Variants in KLHL26 observed in about 807,000 individuals in gnomAD.
KLHL26 encodes the protein kelch like family member 26, also known as kelch-like protein 26.
KLHL26 carries 4 observed loss-of-function variants against 7.1 expected under a neutral mutation model. The ratio of observed to expected loss-of-function variants is 0.56; its 90% CI spans 0.28 to 1.28. The LOEUF is 1.28. KLHL26 is among the 50% of genes most tolerant of loss of function. KLHL26 has a pLI of 0.11. For synonymous variants in KLHL26, 465 were observed against 414.1 expected (o/e 1.12, Z -1.49); for missense variants, 896 against 924.6 (o/e 0.97, Z 0.40).
intron 1 of KLHL26, among the ~76,000 whole-genome samples, chr19:18,639,177 G>A (rs1196482091): frequency 6.6e-6 from 1 of 151,876 alleles, no homozygotes; most frequent in Non-Finnish European, 1.5e-5. Context: ...CCAGGTTCAA[G>A]GGATTTTCCT....
At chr19:18,659,200 T>A (rs2052366906) in intron 1 of KLHL26, among the ~76,000 whole-genome samples, 1 of 152,196 alleles carries the variant, frequency 6.6e-6, no homozygotes. Flanking sequence ...GAGTCTCTGT[T>A]TCCCTCTCTT....
At chr19:18,665,917 A>G (rs891524026) in intron 2 of KLHL26, among the ~76,000 whole-genome samples, 13 of 152,294 alleles carry the variant, frequency 8.5e-5, no homozygotes, top group African/African-American at 2.9e-4. Flanking sequence ...CATGGGCTCA[A>G]TGAGGCTGTT....
At chr19:18,664,219 G>A in intron 1 of KLHL26, 42 bp from the exon 2 acceptor site, 1 of 1,539,878 alleles carries the variant, frequency 6.5e-7, no homozygotes, top group Admixed American at 1.9e-5. Context: ...TAGTGTGTGT[G>A]TGAACCTCTG....
Position 18,668,824 on chromosome 19 carries a change from A to G in KLHL26, c.1427A>G (p.Lys476Arg), listed in dbSNP as rs2052490217. The change falls in exon 3 of 3, where the codon AAG becomes AGG. Residue 476 changes from lysine to arginine, a missense_variant. Physicochemically the swap from Lys to Arg is conservative, Grantham distance 26. Transcript: ENST00000300976. Reference sequence around the variant, plus strand: ...TACGGGATCTCAGTGGAGGACAAGAAGGCCCTGCACTGCTACGACCCCGTG... The same window carrying G: ...TACGGGATCTCAGTGGAGGACAAGAGGGCCCTGCACTGCTACGACCCCGTG... ...GGYGISVEDK[K>R]ALHCYDPVAD... 6.3e-7 allele frequency: 1 copy of G among 1,595,158 alleles called. No individual in the cohort carries two copies. Among genetic ancestry groups the G allele is most frequent in the Admixed American group, 1.7e-5 (1 of 59,486 alleles).
In KLHL26 at chr19:18,640,551, ATTTTTTTT is replaced by A. The variant is rs56247740; in HGVS notation, c.83+3432_83+3439del. On this transcript the variant is annotated intron_variant, in intron 1 of 2. Coordinates refer to ENST00000300976, the MANE Select transcript of KLHL26 (RefSeq NM_018316.3). ...AGCCACTACGCCTGGCTATGTTTTA[ATTTTTTTT>A]TTTTTTTTTTTTTTTTTGAGATGGA... 3.5e-3 allele frequency among the ~76,000 whole-genome samples: 339 copies of A among 96,638 alleles called. 2 individuals are homozygous for A. The highest frequency in any genetic ancestry group is 0.013 in the African/African-American group (296 of 22,680). The allele number at this position is 96,638 out of a possible 152,430, so 63.4% of individuals were successfully genotyped here.
Position 18,650,037 on chromosome 19 carries a change from C to T in KLHL26, c.83+12900C>T, listed in dbSNP as rs904900090. ...CCTTTCCTGCGAGGGCAAGGGCTTC[C>T]GGAATTGAACAGGCTGGGCCTGGAG... On this transcript the variant is annotated intron_variant, in intron 1 of 2. Transcript: ENST00000300976. The surrounding 1 kb of genome is among the most constrained non-coding windows in gnomAD (Gnocchi z 4.2). Among the ~76,000 whole-genome samples, 2 of 152,214 alleles carry T rather than the reference C, an allele frequency of 1.3e-5. No homozygotes were observed. The highest frequency in any genetic ancestry group is 2.9e-5 in the Non-Finnish European group (2 of 68,036).
chr19:18,655,998 C>G (rs532220442), intron 1 of KLHL26, among the ~76,000 whole-genome samples: 1 of 152,150 alleles, frequency 6.6e-6, no homozygotes, highest in East Asian at 1.9e-4. Flanking sequence ...GGTGGCCACA[C>G]GTATCCATCA....
intron 2 of KLHL26, chr19:18,667,345 T>G: frequency 2.7e-6 from 1 of 367,816 alleles, no homozygotes; most frequent in Non-Finnish European, 5.2e-6. Flanking sequence ...TTTGCATGTT[T>G]TTGTTTGTTT....
intron 1 of KLHL26, among the ~76,000 whole-genome samples, chr19:18,642,668 G>A (rs898937894): frequency 3.3e-5 from 5 of 151,080 alleles, no homozygotes; most frequent in Admixed American, 2.6e-4. Flanking sequence ...CCGGCTTGTG[G>A]TTTTTTGTTT....
At chr19:18,664,076 C>A (rs1467535843) in intron 1 of KLHL26, among the ~76,000 whole-genome samples, 185 bp from the exon 2 acceptor site, 6 of 152,090 alleles carry the variant, frequency 3.9e-5, no homozygotes, top group Non-Finnish European at 8.8e-5. Flanking sequence ...TCCCCTCCCC[C>A]AGCCCTTGGT....
At chr19:18,645,223 C>T (rs994023722) in intron 1 of KLHL26, among the ~76,000 whole-genome samples, 3 of 152,174 alleles carry the variant, frequency 2.0e-5, no homozygotes, top group African/African-American at 7.2e-5. Context: ...GTCTAGACTC[C>T]TTGGAGGGAA....
chr19:18,648,846 C>T lies in KLHL26; in HGVS notation c.83+11709C>T, dbSNP rs1343243559. Among the ~76,000 whole-genome samples the T allele has an allele frequency of 1.3e-5, 2 of 152,164 alleles. No homozygotes were observed. Among genetic ancestry groups the T allele is most frequent in the African/African-American group, 2.4e-5 (1 of 41,440 alleles). ...GAGCCAGCTCCTCCTGCTCTCTCCT[C>T]CCCATCCCAGCTCAGAGCCACTCCT... On this transcript the variant is annotated intron_variant, in intron 1 of 2. Transcript: ENST00000300976. The surrounding 1 kb of genome is among the most constrained non-coding windows in gnomAD (Gnocchi z 4.9).
chr19:18,648,277 C>T lies in KLHL26; in HGVS notation c.83+11140C>T, dbSNP rs997377944. Among the ~76,000 whole-genome samples the T allele has an allele frequency of 1.5e-4, 23 of 152,098 alleles. No homozygotes were observed. Among genetic ancestry groups the T allele is most frequent in the African/African-American group, 5.1e-4 (21 of 41,416 alleles). On this transcript the variant is annotated intron_variant, in intron 1 of 2. Coordinates refer to ENST00000300976, the MANE Select transcript of KLHL26 (RefSeq NM_018316.3). This position sits in a 1 kb window ranked among gnomAD's most constrained non-coding sequence, Gnocchi z 4.9. ...CCCAGCTGCTCTGGAGGCTGAGGCA[C>T]GAGAGTCGATTGAACCCAGGAGCCG...
At position 18,650,789 on chromosome 19, in the gene KLHL26, G is replaced by A. The variant is rs971294138; in HGVS notation, c.84-13472G>A. Reference sequence around the variant, plus strand: ...GCTGACCTTTTCTGGGAGTCGTGGCGGACGGAGTGGAGCCGTCTGTCTCGT... The same window carrying A: ...GCTGACCTTTTCTGGGAGTCGTGGCAGACGGAGTGGAGCCGTCTGTCTCGT... On this transcript the variant is annotated intron_variant, in intron 1 of 2. Transcript: ENST00000300976. This position sits in a 1 kb window ranked among gnomAD's most constrained non-coding sequence, Gnocchi z 4.2. Among the ~76,000 whole-genome samples, 3 of 152,328 alleles carry A rather than the reference G, an allele frequency of 2.0e-5. No homozygotes were observed. Among genetic ancestry groups the A allele is most frequent in the East Asian group, 1.9e-4 (1 of 5,178 alleles).
At chr19:18,661,538 C>T (rs2052391702) in intron 1 of KLHL26, among the ~76,000 whole-genome samples, 2 of 152,152 alleles carry the variant, frequency 1.3e-5, no homozygotes, top group African/African-American at 2.4e-5. Context: ...GCAGCCTTGA[C>T]GTCATCCCCT....
In KLHL26 at chr19:18,659,412, C is replaced by T. The variant is rs367938549; in HGVS notation, c.84-4849C>T. On this transcript the variant is annotated intron_variant, in intron 1 of 2. Coordinates refer to ENST00000300976, the MANE Select transcript of KLHL26 (RefSeq NM_018316.3). ...ATCAGCCGGGGTGGGAGCCAACCAG[C>T]TGTGCTGTGCTGCTGTGCTCCTTCG... 2.8e-4 allele frequency among the ~76,000 whole-genome samples: 43 copies of T among 152,354 alleles called. 1 individual carries two copies. Among genetic ancestry groups the T allele is most frequent in the African/African-American group, 9.9e-4 (41 of 41,584 alleles).
rs919983283 is a variant in KLHL26, at chr19:18,649,448, G to A, written c.83+12311G>A. On this transcript the variant is annotated intron_variant, in intron 1 of 2. Coordinates refer to ENST00000300976, the MANE Select transcript of KLHL26 (RefSeq NM_018316.3). The surrounding 1 kb of genome is among the most constrained non-coding windows in gnomAD (Gnocchi z 4.0). Reference sequence around the variant, plus strand: ...TTCATTGAACCAGCAGGGTGTGGGCGGAGAAGCAGAAATTCACAGGCATGT... The same window carrying A: ...TTCATTGAACCAGCAGGGTGTGGGCAGAGAAGCAGAAATTCACAGGCATGT... Among the ~76,000 whole-genome samples the A allele has an allele frequency of 6.6e-6, 1 of 152,224 alleles. No individual in the cohort carries two copies. The highest frequency in any genetic ancestry group is 2.4e-5 in the African/African-American group (1 of 41,452).
intron 1 of KLHL26, among the ~76,000 whole-genome samples, chr19:18,663,785 GA>G: frequency 6.6e-6 from 1 of 151,120 alleles, no homozygotes; most frequent in Non-Finnish European, 1.5e-5. Flanking sequence ...AAGAGGGGAT[GA>G]GGGGGCAGTA....
chr19:18,664,609 T>C (rs1341616090), intron 2 of KLHL26, among the ~76,000 whole-genome samples, 166 bp downstream of exon 2: 1 of 147,574 alleles, frequency 6.8e-6, no homozygotes, highest in African/African-American at 2.5e-5. Context: ...TGAGATGGAG[T>C]CTCGCGCTGT....
Sources: gnomAD v4.1 joint callset for allele counts (sites outside exome capture counted in the v4.1 genomes callset) on GRCh38, gnomAD v4.1.1 for gene constraint, Gnocchi (gnomAD v3.1) non-coding constraint, MANE v1.5 for transcripts, NCBI Gene and HGNC (gene_info 2026-07-23, HGNC 2026-07-21) for gene names.